RNF138: variants seen among roughly 807,000 people sequenced by gnomAD.
RNF138 encodes ring finger protein 138.
A neutral mutation model predicts 31.0 loss-of-function variants in RNF138; 12 were observed. The ratio of observed to expected loss-of-function variants is 0.39; its 90% CI spans 0.25 to 0.63. RNF138 has a LOEUF of 0.63. RNF138 is among the 20% of genes least tolerant of loss of function. The pLI is 0.52. For missense variants in RNF138, 192 were observed against 300.1 expected (o/e 0.64, Z 2.66); for synonymous variants, 105 against 99.5 (o/e 1.06, Z -0.33).
intron 7 of RNF138, among the ~76,000 whole-genome samples, chr18:32,128,150 A>G (rs2040413466): frequency 1.3e-5 from 2 of 152,274 alleles, no homozygotes; most frequent in Non-Finnish European, 2.9e-5. Context: ...AGCGAAATGC[A>G]TAGGGCATAA....
chr18:32,098,517 A>G lies in RNF138; in HGVS notation c.110+5631A>G, dbSNP rs1377492248. ...TTATGCTCTAAGTATATACTTTAAA[A>G]TAATTTTCTTCTTTCCTAAAATCTG... On this transcript the variant is annotated intron_variant, in intron 2 of 7. Transcript: ENST00000261593. Among the ~76,000 whole-genome samples the G allele has an allele frequency of 2.7e-5, 4 of 150,834 alleles. 1 individual carries two copies. In the South Asian group the frequency reaches 8.4e-4, roughly 32 times the overall value.
intron 2 of RNF138, among the ~76,000 whole-genome samples, chr18:32,108,122 T>C (rs2040067595): frequency 2.0e-5 from 3 of 152,206 alleles, no homozygotes; most frequent in African/African-American, 7.2e-5. Context: ...CTCAAGGTGC[T>C]GGGATTACAG....
At chr18:32,104,135 T>A (rs2144580569) in intron 2 of RNF138, among the ~76,000 whole-genome samples, 1 of 151,142 alleles carries the variant, frequency 6.6e-6, no homozygotes, top group East Asian at 2.0e-4. Flanking sequence ...TGACTTAGCC[T>A]CCCAAATAGT....
rs141536653 is a variant in RNF138 at position 32,127,985 on chromosome 18, C to A, written c.670-1134C>A. ...GTCCCAGCTACTCGGGAGGCTGAGG[C>A]AGGAGAATGGGATGAACCCGGGAGG... On this transcript the variant is annotated intron_variant, in intron 7 of 7. Transcript: ENST00000261593. Among the ~76,000 whole-genome samples the A allele has an allele frequency of 9.7e-3, 1,472 of 152,256 alleles. 23 individuals are homozygous for A. Among genetic ancestry groups the A allele is most frequent in the African/African-American group, 0.033 (1,380 of 41,562 alleles).
chr18:32,095,285 T>A (rs1311417295), intron 2 of RNF138, among the ~76,000 whole-genome samples: 1 of 152,164 alleles, frequency 6.6e-6, no homozygotes, highest in Admixed American at 6.5e-5. Flanking sequence ...CCCTCCCGCC[T>A]CAGCCTCTCA....
At chr18:32,093,031 G>A (rs2039731304) in intron 2 of RNF138, 145 bp downstream of exon 2, 1 of 472,296 alleles carries the variant, frequency 2.1e-6, no homozygotes, top group East Asian at 3.7e-5. Context: ...CCCGTTCCCC[G>A]CCCCTCAGAG....
At chr18:32,120,548 TA>T (rs1353709820) in intron 4 of RNF138, among the ~76,000 whole-genome samples, 2 of 152,132 alleles carry the variant, frequency 1.3e-5, no homozygotes, top group African/African-American at 4.8e-5. Flanking sequence ...CATAAGTTTT[TA>T]AAAAAATAAT....
chr18:32,104,006 T>C (rs966128199), intron 2 of RNF138, among the ~76,000 whole-genome samples: 3 of 141,444 alleles, frequency 2.1e-5, no homozygotes, highest in African/African-American at 8.0e-5. Flanking sequence ...AGGAATAGGC[T>C]AAAAAACTTT....
intron 5 of RNF138, 45 bp from the exon 6 acceptor site, chr18:32,124,688 TG>T (rs2040358040): frequency 1.1e-6 from 1 of 927,590 alleles, no homozygotes; most frequent in Non-Finnish European, 1.8e-6. Flanking sequence ...GCGTTATTTT[TG>T]TGTTATTCTG....
At chr18:32,099,109 A>C (rs893026086) in intron 2 of RNF138, among the ~76,000 whole-genome samples, 1 of 152,130 alleles carries the variant, frequency 6.6e-6, no homozygotes, top group Non-Finnish European at 1.5e-5. Flanking sequence ...AAATTCGTCT[A>C]GCATCTGCTA....
At chr18:32,102,606 T>C (rs1424891800) in intron 2 of RNF138, among the ~76,000 whole-genome samples, 1 of 152,046 alleles carries the variant, frequency 6.6e-6, no homozygotes, top group Non-Finnish European at 1.5e-5. Context: ...ACCTGATTTA[T>C]CACATGTAAT....
At chr18:32,099,404 C>CT (rs1179523195) in intron 2 of RNF138, among the ~76,000 whole-genome samples, 1 of 151,978 alleles carries the variant, frequency 6.6e-6, no homozygotes, top group Non-Finnish European at 1.5e-5. Context: ...CTGAATATCT[C>CT]TATTTTATTT....
At chr18:32,101,454 A>T (rs2039938719) in intron 2 of RNF138, among the ~76,000 whole-genome samples, 1 of 151,884 alleles carries the variant, frequency 6.6e-6, no homozygotes, top group Non-Finnish European at 1.5e-5. Context: ...ATTGGTCTTG[A>T]ACTCCTGACC....
At chr18:32,098,811 C>T (rs1377810139) in intron 2 of RNF138, among the ~76,000 whole-genome samples, 2 of 150,282 alleles carry the variant, frequency 1.3e-5, no homozygotes, top group Non-Finnish European at 3.0e-5. Flanking sequence ...TGAGATGGTG[C>T]CACTGCACTC....
intron 2 of RNF138, among the ~76,000 whole-genome samples, chr18:32,101,804 C>T (rs541585655): frequency 2.0e-5 from 3 of 152,202 alleles, no homozygotes; most frequent in South Asian, 4.1e-4. Flanking sequence ...TAATACAGTT[C>T]ATAGTGGTGT....
intron 2 of RNF138, among the ~76,000 whole-genome samples, chr18:32,097,964 G>T (rs2039843525): frequency 2.4e-5 from 2 of 82,852 alleles, no homozygotes; most frequent in Admixed American, 3.2e-4. Context: ...GTGTGTGTGT[G>T]TGTGTGTGTG....
intron 2 of RNF138, among the ~76,000 whole-genome samples, chr18:32,098,575 G>A (rs1034945058): frequency 1.3e-5 from 2 of 151,876 alleles, no homozygotes; most frequent in Admixed American, 1.3e-4. Flanking sequence ...GGTTGAGGCC[G>A]GGCGCAGTGG....
Position 32,130,371 on chromosome 18 carries a change from T to G in RNF138, c.*1184T>G, listed in dbSNP as rs955127964. 1 of 152,430 alleles carries G rather than the reference T, an allele frequency of 6.6e-6. No individual in the cohort carries two copies. Among genetic ancestry groups the G allele is most frequent in the African/African-American group, 2.4e-5 (1 of 41,456 alleles). The allele number at this position is 152,430 out of a possible 1,614,324, so 9.4% of individuals were successfully genotyped here. On this transcript the variant is annotated 3_prime_UTR_variant, in exon 8 of 8. Coordinates refer to ENST00000261593, the MANE Select transcript of RNF138 (RefSeq NM_016271.5). ...TCAAATATAATGTGTGACCGTGATA[T>G]AGTGAGAAAGATTCTACCAACCACT...
intron 2 of RNF138, among the ~76,000 whole-genome samples, chr18:32,103,686 G>A (rs929885976): frequency 1.6e-4 from 25 of 152,206 alleles, no homozygotes; most frequent in African/African-American, 5.1e-4. Flanking sequence ...TTCATGGGCC[G>A]GGTGTGGTGG....
Sources: allele counts gnomAD v4.1 joint callset (sites outside exome capture counted in the v4.1 genomes callset), GRCh38; gene constraint gnomAD v4.1.1; transcripts MANE v1.5; gene names NCBI Gene and HGNC (gene_info 2026-07-23, HGNC 2026-07-21).